DHX35: variants seen among roughly 807,000 people sequenced by gnomAD.
DHX35 encodes probable ATP-dependent RNA helicase DHX35.
In DHX35, 84 loss-of-function variants were observed where a neutral mutation model predicts 99.6. That is an observed-to-expected ratio of 0.84 (90% CI 0.71 to 1.01). DHX35 has a LOEUF of 1.01. Ranked by LOEUF, DHX35 falls within the 50% of genes least tolerant of loss-of-function variation. The probability of loss-of-function intolerance (pLI) is 0.00; values close to 1 mark genes in which losing one functional copy is unlikely to be tolerated. For missense variants in DHX35, 852 were observed against 888.5 expected (o/e 0.96, Z 0.52); for synonymous variants, 331 against 316.2 (o/e 1.05, Z -0.50).
chr20:39,000,713 A>G (rs919361182), intron 8 of DHX35, among the ~76,000 whole-genome samples: 18 of 152,104 alleles, frequency 1.2e-4, no homozygotes, highest in East Asian at 3.9e-4. Flanking sequence ...CAGGATGGGC[A>G]TGTTTTGTAA....
In DHX35 at chr20:39,021,938, A is replaced by G. The variant is rs200111977; in HGVS notation, c.1593+3A>G. On this transcript the variant is annotated splice_donor_region_variant and intron_variant, in intron 16 of 21. Transcript: ENST00000252011. ...CCCCAAACCAGAAGTCTCACGCAGT[A>G]AGTCAGCTCTGTCCCCAGGCTGTCT... The G allele has an allele frequency of 1.9e-6, 3 of 1,614,110 alleles. No individual in the cohort carries two copies. Among genetic ancestry groups the G allele is most frequent in the Non-Finnish European group, 2.5e-6 (3 of 1,179,934 alleles).
intron 13 of DHX35, among the ~76,000 whole-genome samples, chr20:39,012,712 G>A (rs1367533781): frequency 6.6e-6 from 1 of 152,136 alleles, no homozygotes; most frequent in African/African-American, 2.4e-5. Context: ...TGTATTTTTA[G>A]TAGAGACGGG....
chr20:39,028,369 C>T (rs781194914), intron 18 of DHX35, 49 bp from the exon 19 acceptor site: 1 of 1,587,828 alleles, frequency 6.3e-7, no homozygotes, highest in South Asian at 1.1e-5. Context: ...CACACGGAGC[C>T]TAGGGCAGGC....
intron 1 of DHX35, among the ~76,000 whole-genome samples, chr20:38,964,009 A>G (rs1265312379): frequency 6.6e-6 from 1 of 152,178 alleles, no homozygotes; most frequent in Admixed American, 6.5e-5. Context: ...TATAATACCT[A>G]CCCTACCCAA....
rs2087207394 is a variant in DHX35 at position 39,039,253 on chromosome 20, G to T, written c.*710G>T. The stretch of plus-strand genomic sequence containing the variant: ...CTCTCAGAGTGTAGTGCCAGGTCCT[G>T]GTGCCACGCTAGCTGAGCACTCAGG... On this transcript the variant is annotated 3_prime_UTR_variant, in exon 22 of 22. Transcript: ENST00000252011. 6.5e-6 allele frequency: 1 copy of T among 152,764 alleles called. No individual in the cohort carries two copies. Among genetic ancestry groups the T allele is most frequent in the African/African-American group, 2.4e-5 (1 of 41,462 alleles). The allele number at this position is 152,764 out of a possible 1,614,324, so 9.5% of individuals were successfully genotyped here.
intron 19 of DHX35, chr20:39,029,719 A>C (rs2145943880): frequency 1.3e-5 from 2 of 152,102 alleles, no homozygotes; most frequent in East Asian, 3.9e-4. Flanking sequence ...GCGTTTGGAA[A>C]ATTCTTTTAT....
intron 19 of DHX35, chr20:39,030,000 A>G (rs1369101954): frequency 2.1e-5 from 3 of 144,808 alleles, no homozygotes; most frequent in Non-Finnish European, 4.5e-5. Context: ...TTTTTTTGAG[A>G]TGGAGTTTCG....
At chr20:38,994,952 C>G (rs1019526747) in intron 8 of DHX35, 72 bp downstream of exon 8, 3 of 1,339,076 alleles carry the variant, frequency 2.2e-6, no homozygotes, top group Non-Finnish European at 3.2e-6. Flanking sequence ...GGGAAGTTAC[C>G]TCTAGCAAGA....
At chr20:39,024,651 A>G in intron 17 of DHX35, among the ~76,000 whole-genome samples, 1 of 152,206 alleles carries the variant, frequency 6.6e-6, no homozygotes, top group East Asian at 1.9e-4. Flanking sequence ...AATATCTTCT[A>G]TTAATTACAT....
intron 13 of DHX35, among the ~76,000 whole-genome samples, chr20:39,011,478 G>A (rs6129147): frequency 6.6e-6 from 1 of 152,106 alleles, no homozygotes; most frequent in East Asian, 1.9e-4. Context: ...TGGGATTACA[G>A]GTGTGTGCCA....
rs1323045804 is a variant in DHX35, at chr20:39,014,807, A to AAAGG, written c.1348-70_1348-67dup. On this transcript the variant is annotated intron_variant, in intron 13 of 21. Coordinates refer to ENST00000252011, the MANE Select transcript of DHX35 (RefSeq NM_021931.4). Reference sequence around the variant, plus strand: ...ATGTTAGAGGGGAGAATGGATTTGAAAAGGAAACAGCCACATTTTAATGTT... The same window carrying AAAGG: ...ATGTTAGAGGGGAGAATGGATTTGAAAAGGAAGGAAACAGCCACATTTTAATGTT... 26 of 1,583,780 alleles carry AAAGG rather than the reference A, an allele frequency of 1.6e-5. No homozygotes were observed. The South Asian group carries it at 2.7e-4, about 16-fold the overall frequency.
At chr20:39,000,017 A>G (rs2086492923) in intron 8 of DHX35, among the ~76,000 whole-genome samples, 2 of 152,118 alleles carry the variant, frequency 1.3e-5, no homozygotes, top group South Asian at 4.1e-4. Flanking sequence ...CAGTTTGTCC[A>G]TTTTGCAGAT....
chr20:39,020,656 C>CT (rs57246257), intron 15 of DHX35, among the ~76,000 whole-genome samples: 2,603 of 105,142 alleles, frequency 0.025, 199 homozygotes, highest in African/African-American at 0.081. Context: ...AAACAGGATT[C>CT]TTTTTTTTTT....
chr20:39,022,000 A>C, intron 16 of DHX35, 65 bp downstream of exon 16: 1 of 1,507,202 alleles, frequency 6.6e-7, no homozygotes, highest in Non-Finnish European at 9.2e-7. Context: ...TCGTTGTCAA[A>C]ACTGTACTCA....
chr20:38,993,756 T>A (rs969633930), intron 7 of DHX35, among the ~76,000 whole-genome samples: 2 of 151,728 alleles, frequency 1.3e-5, no homozygotes, highest in Non-Finnish European at 2.9e-5. Context: ...GGCTTATGCA[T>A]CGGACAGTAC....
In DHX35 at chr20:38,991,439, G is replaced by GT; in HGVS notation, c.451-10dup. The GT allele has an allele frequency of 6.2e-7, 1 of 1,609,692 alleles. No individual in the cohort carries two copies. The highest frequency in any genetic ancestry group is 8.5e-7 in the Non-Finnish European group (1 of 1,178,080). On this transcript the variant is annotated splice_polypyrimidine_tract_variant and intron_variant, in intron 5 of 21. Coordinates refer to ENST00000252011, the MANE Select transcript of DHX35 (RefSeq NM_021931.4). ...AAGTGAATTATTTCTAAAGCTTTGTGTTTTTATTTTTTAGTTTCTTACTGA... is the reference window on the plus strand; with the variant it reads ...AAGTGAATTATTTCTAAAGCTTTGTGTTTTTTATTTTTTAGTTTCTTACTGA...
At chr20:39,010,222 A>G in intron 12 of DHX35, 58 bp from the exon 13 acceptor site, 1 of 1,613,334 alleles carries the variant, frequency 6.2e-7, no homozygotes, top group East Asian at 2.2e-5. Context: ...CCCTTGGCAT[A>G]GTGATTGCAT....
At chr20:38,994,281 T>TG (rs1375260530) in intron 7 of DHX35, among the ~76,000 whole-genome samples, 3 of 152,014 alleles carry the variant, frequency 2.0e-5, no homozygotes, top group African/African-American at 7.2e-5. Context: ...ATGGGATAGA[T>TG]GGGGAAAAAA....
chr20:38,969,332 C>T lies in DHX35; in HGVS notation c.174+118C>T, dbSNP rs535595796. The T allele has an allele frequency of 2.4e-6, 3 of 1,239,648 alleles. No individual in the cohort carries two copies. The African/African-American group carries it at 4.5e-5, about 18-fold the overall frequency. The allele number at this position is 1,239,648 out of a possible 1,614,324, so 76.8% of individuals were successfully genotyped here. On this transcript the variant is annotated intron_variant, in intron 2 of 21. Transcript: ENST00000252011. ...TAGAACACAGTGAGCTCAGAGAAAC[C>T]CTTACTGTAAGGGATGACTTTTCAT...
Sources: gnomAD v4.1 joint callset for allele counts (sites outside exome capture counted in the v4.1 genomes callset) on GRCh38, gnomAD v4.1.1 for gene constraint, MANE v1.5 for transcripts, NCBI Gene and HGNC (gene_info 2026-07-23, HGNC 2026-07-21) for gene names.